RALYL: variants seen among roughly 807,000 people sequenced by gnomAD.
RALYL encodes RNA-binding Raly-like protein.
Under a neutral mutation model 35.1 loss-of-function variants are expected in RALYL, and 29 were observed. That is an observed-to-expected ratio of 0.83 (90% confidence interval 0.61 to 1.13). The LOEUF is 1.13. RALYL is among the 50% of genes most tolerant of loss of function. The probability of loss-of-function intolerance (pLI) is 0.00; values close to 1 mark genes in which losing one functional copy is unlikely to be tolerated. For synonymous variants in RALYL, 120 were observed against 127.6 expected, an observed-to-expected ratio of 0.94 and a Z score of 0.40; for missense variants, 359 against 360.4, an observed-to-expected ratio of 1.00 and a Z score of 0.03.
At chr8:84,592,895 A>G (rs1813614179) in intron 2 of RALYL, among the ~76,000 whole-genome samples, 1 of 152,160 alleles carries the variant, frequency 6.6e-6, no homozygotes, top group African/African-American at 2.4e-5. Context: ...AGATAAAGTT[A>G]TCTCATCTAA....
intron 1 of RALYL, among the ~76,000 whole-genome samples, chr8:84,243,576 G>A (rs1194138701): frequency 6.7e-6 from 1 of 149,300 alleles, no homozygotes; most frequent in Non-Finnish European, 1.5e-5. Context: ...CAATCTGGGA[G>A]GTATGCATCT....
intron 2 of RALYL, among the ~76,000 whole-genome samples, chr8:84,531,648 G>A (rs749218587): frequency 1.3e-5 from 2 of 152,028 alleles, no homozygotes; most frequent in African/African-American, 2.4e-5. Flanking sequence ...TTTACTGTCT[G>A]TATCCTGATT....
intron 1 of RALYL, among the ~76,000 whole-genome samples, chr8:84,420,329 C>G (rs1016245542): frequency 3.9e-5 from 6 of 152,122 alleles, no homozygotes; most frequent in Non-Finnish European, 7.3e-5. Flanking sequence ...TGTTTTTTGG[C>G]TGCATAAATG....
intron 1 of RALYL, among the ~76,000 whole-genome samples, chr8:84,309,177 G>A (rs1368979700): frequency 6.6e-6 from 1 of 151,122 alleles, no homozygotes; most frequent in Non-Finnish European, 1.5e-5. Flanking sequence ...GACCATGATA[G>A]ATTTAAACAA....
intron 1 of RALYL, among the ~76,000 whole-genome samples, chr8:84,259,895 A>G (rs1338858408): frequency 2.0e-5 from 3 of 152,180 alleles, no homozygotes; most frequent in Non-Finnish European, 2.9e-5. Context: ...GATCCCCAAG[A>G]ACGGAGACCA....
intron 2 of RALYL, among the ~76,000 whole-genome samples, chr8:84,749,108 T>A (rs1041831769): frequency 3.3e-5 from 5 of 152,164 alleles, no homozygotes; most frequent in Non-Finnish European, 5.9e-5. Context: ...TAAAAAAAAC[T>A]TACATCACAA....
At chr8:84,901,166 A>AT (rs1345404967) in intron 8 of RALYL, among the ~76,000 whole-genome samples, 2 of 152,188 alleles carry the variant, frequency 1.3e-5, no homozygotes, top group African/African-American at 4.8e-5. Flanking sequence ...GGGAAGATTT[A>AT]TATCTCCAAG....
At chr8:84,246,056 A>G (rs1380092245) in intron 1 of RALYL, among the ~76,000 whole-genome samples, 1 of 152,176 alleles carries the variant, frequency 6.6e-6, no homozygotes, top group Non-Finnish European at 1.5e-5. Context: ...TAGCAGTGAC[A>G]GTGGTCCTGG....
At position 84,703,012 on chromosome 8, in the gene RALYL, C is replaced by T. The variant is rs185871169; in HGVS notation, c.257-71567C>T. Among the ~76,000 whole-genome samples the T allele has an allele frequency of 2.7e-3, 418 of 152,208 alleles. 2 individuals are homozygous for T. The highest frequency in any genetic ancestry group is 4.9e-3 in the Non-Finnish European group (331 of 67,990). ...CAGGAAGAAGAGTGGGGTGCCTGGA[C>T]GTGCCCTTCTCTTCAGCTTCTCTCT... is the stretch of plus-strand genomic sequence containing the variant. On this transcript the variant is annotated intron_variant, in intron 2 of 8. Coordinates refer to ENST00000521268, the MANE Select transcript of RALYL (RefSeq NM_173848.7).
chr8:84,807,198 T>C (rs1249737242), intron 4 of RALYL, among the ~76,000 whole-genome samples: 1 of 152,110 alleles, frequency 6.6e-6, no homozygotes, highest in African/African-American at 2.4e-5. Context: ...CCAAAGTCCA[T>C]TGTATCATTC....
At chr8:84,793,069 G>A (rs1025100858) in intron 3 of RALYL, among the ~76,000 whole-genome samples, 2 of 152,178 alleles carry the variant, frequency 1.3e-5, no homozygotes, top group Non-Finnish European at 2.9e-5. Context: ...GCCAAGGTGG[G>A]TGGTGAGTAA....
intron 1 of RALYL, among the ~76,000 whole-genome samples, chr8:84,295,877 C>T (rs1363491878): frequency 6.6e-6 from 1 of 152,170 alleles, no homozygotes; most frequent in South Asian, 2.1e-4. Context: ...AGAATCCTTG[C>T]ATTATTTGGA....
At chr8:84,894,396 G>A (rs1246965649) in intron 8 of RALYL, among the ~76,000 whole-genome samples, 1 of 152,172 alleles carries the variant, frequency 6.6e-6, no homozygotes, top group African/African-American at 2.4e-5. Flanking sequence ...CAATCTGTTG[G>A]ATTTTGGCAT....
At chr8:84,320,512 T>C (rs1214556202) in intron 1 of RALYL, among the ~76,000 whole-genome samples, 2 of 152,042 alleles carry the variant, frequency 1.3e-5, no homozygotes, top group Admixed American at 6.6e-5. Context: ...TCTATAGTTA[T>C]AGATTTATAT....
intron 1 of RALYL, among the ~76,000 whole-genome samples, chr8:84,222,830 G>GT (rs1563558807): frequency 6.6e-6 from 1 of 152,084 alleles, no homozygotes; most frequent in African/African-American, 2.4e-5. Context: ...CGAGTCTTTG[G>GT]TTATGAGATG....
intron 4 of RALYL, among the ~76,000 whole-genome samples, chr8:84,825,275 C>T (rs573904183): frequency 1.1e-4 from 17 of 152,086 alleles, no homozygotes; most frequent in African/African-American, 3.6e-4. Flanking sequence ...CAGAGAAATG[C>T]AGATCAAAAC....
intron 2 of RALYL, among the ~76,000 whole-genome samples, chr8:84,716,281 C>T (rs1355778463): frequency 6.6e-6 from 1 of 151,994 alleles, no homozygotes; most frequent in African/African-American, 2.4e-5. Flanking sequence ...TTTCAACTCA[C>T]GTTTGTTTTA....
chr8:84,406,216 TG>T (rs941901510), intron 1 of RALYL, among the ~76,000 whole-genome samples: 3 of 152,170 alleles, frequency 2.0e-5, no homozygotes, highest in African/African-American at 7.2e-5. Context: ...TGTTCTTAAA[TG>T]GCTATACAAG....
chr8:84,652,051 G>A (rs1280042640), intron 2 of RALYL, among the ~76,000 whole-genome samples: 2 of 151,990 alleles, frequency 1.3e-5, no homozygotes, highest in Non-Finnish European at 2.9e-5. Context: ...GGCCTAAAAT[G>A]TCTCATAAGG....
Sources: gnomAD v4.1 joint callset for allele counts (sites outside exome capture counted in the v4.1 genomes callset) on GRCh38, gnomAD v4.1.1 for gene constraint, MANE v1.5 for transcripts, NCBI Gene and HGNC (gene_info 2026-07-23, HGNC 2026-07-21) for gene names.